The following ADAMTS12 variants were observed in gnomAD, a reference collection of about 807,000 sequenced individuals.
The protein encoded by ADAMTS12 is ADAM metallopeptidase with thrombospondin type 1 motif 12, also known as A disintegrin and metalloproteinase with thrombospondin motifs 12.
In ADAMTS12, 118 loss-of-function variants were observed where a neutral mutation model predicts 167.8. The ratio of observed to expected loss-of-function variants is 0.70; its 90% CI spans 0.61 to 0.82. The LOEUF is 0.82. Among genes scored for constraint, ADAMTS12 ranks in the 40% least tolerant of loss-of-function variants. The pLI is 0.00. For missense variants in ADAMTS12, 1,916 were observed against 1,998.8 expected (o/e 0.96, Z 0.79); for synonymous variants, 704 against 716.9 (o/e 0.98, Z 0.29).
At position 33,588,679 on chromosome 5, in the gene ADAMTS12, G is replaced by A. The variant is rs1312665929; in HGVS notation, c.2785C>T (p.Leu929=). ...QALPPTDCQH[L]LKPKTLLSCN... Reference sequence around the variant, plus strand: ...GAAAGGAGGGTCTTGGGCTTCAGCAGGTGCTGGCAGTCTGTGGGCGGGAGA... The same window carrying A: ...GAAAGGAGGGTCTTGGGCTTCAGCAAGTGCTGGCAGTCTGTGGGCGGGAGA... Residue 929 remains leucine, a synonymous_variant, in exon 18 of 24, where the codon CTG becomes TTG. Transcript: ENST00000504830. 6.2e-7 allele frequency: 1 copy of A among 1,614,158 alleles called. No individual in the cohort carries two copies. The highest frequency in any genetic ancestry group is 8.5e-7 in the Non-Finnish European group (1 of 1,180,032).
Position 33,561,117 on chromosome 5 carries a change from A to C in ADAMTS12, c.4035T>G (p.Asp1345Glu), listed in dbSNP as rs761726743. 6.2e-7 allele frequency: 1 copy of C among 1,614,134 alleles called. No individual in the cohort carries two copies. The highest frequency in any genetic ancestry group is 1.3e-5 in the African/African-American group (1 of 75,032). Residue 1345 changes from aspartate to glutamate, a missense_variant, in exon 20 of 24, where the codon GAT becomes GAG. Physicochemically the swap from Asp to Glu is conservative, Grantham distance 45. Coordinates refer to ENST00000504830, the MANE Select transcript of ADAMTS12 (RefSeq NM_030955.4). The stretch of plus-strand genomic sequence containing the variant: ...GTCTCTGGATGGCCGCACAGTCAGA[A>C]TCCATCTGGGTGCTGCACTCCACCC... ...WRRVECSTQM[D>E]SDCAAIQRPD...
intron 2 of ADAMTS12, among the ~76,000 whole-genome samples, chr5:33,837,198 G>GC: frequency 1.3e-5 from 2 of 152,248 alleles, no homozygotes; most frequent in Non-Finnish European, 2.9e-5. Context: ...TCGGGGCTGG[G>GC]CCCGAGTAGG....
chr5:33,588,924 G>T, intron 17 of ADAMTS12, 115 bp from the exon 18 acceptor site: 1 of 1,287,068 alleles, frequency 7.8e-7, no homozygotes, highest in Non-Finnish European at 1.1e-6. Flanking sequence ...GGGCCATGGA[G>T]ACACTCCAAC....
Position 33,624,262 on chromosome 5 carries a change from C to T in ADAMTS12, c.2112G>A (p.Val704=), listed in dbSNP as rs764284846. 1.9e-6 allele frequency: 3 copies of T among 1,614,116 alleles called. No homozygotes were observed. In the South Asian group the frequency reaches 3.3e-5, roughly 18 times the overall value. Residue 704 remains valine, a synonymous_variant, in exon 14 of 24, where the codon GTG becomes GTA. Coordinates refer to ENST00000504830, the MANE Select transcript of ADAMTS12 (RefSeq NM_030955.4). ...CLGDGSSCQT[V]RKMFKQKEGS... is the part of the protein sequence containing the mutation. The stretch of plus-strand genomic sequence containing the variant: ...CTTCCTTCTGCTTAAACATCTTTCT[C>T]ACAGTCTGGCAGGAAGAGCCATCTC...
Position 33,730,222 on chromosome 5 carries a change from T to C in ADAMTS12, c.634+21182A>G, listed in dbSNP as rs116256610. On this transcript the variant is annotated intron_variant, in intron 3 of 23. Transcript: ENST00000504830. ...CCAATAGTTGCAAAAACAGCATATG[T>C]GTGGCATTGTATAAGTATCACTATT... 9.7e-3 allele frequency among the ~76,000 whole-genome samples: 1,483 copies of C among 152,214 alleles called. 22 individuals are homozygous for C. Among genetic ancestry groups the C allele is most frequent in the African/African-American group, 0.034 (1,428 of 41,512 alleles).
At chr5:33,552,909 G>A (rs1745315182) in intron 20 of ADAMTS12, among the ~76,000 whole-genome samples, 1 of 152,106 alleles carries the variant, frequency 6.6e-6, no homozygotes, top group Non-Finnish European at 1.5e-5. Context: ...TATCAACAGA[G>A]TAAACAGACA....
At chr5:33,726,473 G>C (rs1201701656) in intron 3 of ADAMTS12, among the ~76,000 whole-genome samples, 1 of 152,188 alleles carries the variant, frequency 6.6e-6, no homozygotes, top group African/African-American at 2.4e-5. Flanking sequence ...GAGAAAAAAA[G>C]ATTTGCAAAT....
chr5:33,553,551 A>G lies in ADAMTS12; in HGVS notation c.4126-4168T>C, dbSNP rs1031436815. The stretch of plus-strand genomic sequence containing the variant: ...TGAAGCCATAAAAAAGAATGAGATC[A>G]TGTCCTTTGCAGGAACATGGTTGGA... On this transcript the variant is annotated intron_variant, in intron 20 of 23. Coordinates refer to ENST00000504830, the MANE Select transcript of ADAMTS12 (RefSeq NM_030955.4). Among the ~76,000 whole-genome samples the G allele has an allele frequency of 2.0e-4, 31 of 152,230 alleles. No homozygotes were observed. The South Asian group carries it at 2.3e-3, about 11-fold the overall frequency.
chr5:33,598,978 T>C (rs1277890038), intron 16 of ADAMTS12, among the ~76,000 whole-genome samples: 1 of 152,180 alleles, frequency 6.6e-6, no homozygotes, highest in Non-Finnish European at 1.5e-5. Context: ...GTGGGGAAAC[T>C]CAGCGCCCTT....
At chr5:33,848,595 C>T (rs925021306) in intron 2 of ADAMTS12, among the ~76,000 whole-genome samples, 1 of 152,184 alleles carries the variant, frequency 6.6e-6, no homozygotes, top group Non-Finnish European at 1.5e-5. Flanking sequence ...CAAAACTGGA[C>T]TTCAGAGAGT....
intron 23 of ADAMTS12, among the ~76,000 whole-genome samples, chr5:33,529,854 T>C (rs1744009783): frequency 6.6e-6 from 1 of 152,188 alleles, no homozygotes; most frequent in South Asian, 2.1e-4. Context: ...AAGCCTCTTA[T>C]AAAAACCCTG....
intron 3 of ADAMTS12, among the ~76,000 whole-genome samples, chr5:33,686,696 A>G (rs1742337146): frequency 6.9e-6 from 1 of 144,042 alleles, no homozygotes; most frequent in Admixed American, 7.1e-5. Flanking sequence ...AAGAGACATC[A>G]GAGCCCTCTC....
chr5:33,883,763 A>G (rs10064370), intron 1 of ADAMTS12, among the ~76,000 whole-genome samples: 3,092 of 152,258 alleles, frequency 0.02, 103 homozygotes, highest in African/African-American at 0.071. Flanking sequence ...TAACAAAAAA[A>G]GCTTTTTCGC....
chr5:33,811,846 G>A (rs111961315), intron 2 of ADAMTS12, among the ~76,000 whole-genome samples: 1 of 152,176 alleles, frequency 6.6e-6, no homozygotes, highest in Admixed American at 6.5e-5. Context: ...GGACCAGGAC[G>A]GTTCTGGTGG....
chr5:33,855,587 T>C (rs560123876), intron 2 of ADAMTS12, among the ~76,000 whole-genome samples: 2 of 152,350 alleles, frequency 1.3e-5, no homozygotes, highest in Non-Finnish European at 2.9e-5. Flanking sequence ...AAACGAGTCA[T>C]GTTTGCCTTC....
chr5:33,722,455 C>G (rs1743839826), intron 3 of ADAMTS12, among the ~76,000 whole-genome samples: 1 of 152,186 alleles, frequency 6.6e-6, no homozygotes, highest in Non-Finnish European at 1.5e-5. Context: ...GCCGATTTTA[C>G]AGCTGAATGT....
intron 2 of ADAMTS12, among the ~76,000 whole-genome samples, chr5:33,870,168 T>C (rs886428848): frequency 6.6e-6 from 1 of 152,216 alleles, no homozygotes; most frequent in Non-Finnish European, 1.5e-5. Context: ...AGATTTCATA[T>C]TGTTCAAACA....
chr5:33,720,321 A>T (rs1342140462), intron 3 of ADAMTS12, among the ~76,000 whole-genome samples: 1 of 123,256 alleles, frequency 8.1e-6, no homozygotes, highest in Non-Finnish European at 1.9e-5. Flanking sequence ...CACGATTGCC[A>T]ATTTCAAAAA....
intron 3 of ADAMTS12, among the ~76,000 whole-genome samples, chr5:33,727,219 G>A (rs976546033): frequency 6.0e-5 from 9 of 149,126 alleles, no homozygotes. Flanking sequence ...GTGTGTCTGG[G>A]TCGAGGTCAA....
Sources: gnomAD v4.1 joint callset for allele counts (sites outside exome capture counted in the v4.1 genomes callset) on GRCh38, gnomAD v4.1.1 for gene constraint, MANE v1.5 for transcripts, NCBI Gene and HGNC (gene_info 2026-07-23, HGNC 2026-07-21) for gene names.